Variants in HSPA1A observed in about 807,000 individuals in gnomAD.
HSPA1A encodes heat shock protein family A (Hsp70) member 1A.
A neutral mutation model predicts 8.8 loss-of-function variants in HSPA1A; 5 were observed. The ratio of observed to expected loss-of-function variants is 0.57; its 90% CI spans 0.30 to 1.19. The LOEUF is 1.19. Ranked by LOEUF, HSPA1A falls within the 50% of genes most tolerant of loss-of-function variation. The pLI is 0.08. For missense variants in HSPA1A, 207 were observed against 430.7 expected (o/e 0.48, Z 4.60); for synonymous variants, 112 against 188.4 (o/e 0.59, Z 3.32).
At position 31,815,588 on chromosome 6, in the gene HSPA1A, G is replaced by C. The variant is rs1033862658; in HGVS notation, c.-169G>C. 5 of 1,509,416 alleles carry C rather than the reference G, an allele frequency of 3.3e-6. No homozygotes were observed. Among genetic ancestry groups the C allele is most frequent in the African/African-American group, 1.4e-5 (1 of 72,132 alleles). The allele number at this position is 1,509,416 out of a possible 1,614,324, so 93.5% of individuals were successfully genotyped here. On this transcript the variant is annotated 5_prime_UTR_variant, in exon 1 of 1. Transcript: ENST00000375651. ...GCTGCGACAGTCCACTACCTTTTTC[G>C]AGAGTGACTCCCGTTGTCCCAAGGC...
chr6:31,817,837 G>C lies in HSPA1A; in HGVS notation c.*155G>C. On this transcript the variant is annotated 3_prime_UTR_variant, in exon 1 of 1. Coordinates refer to ENST00000375651, the MANE Select transcript of HSPA1A (RefSeq NM_005345.6). The stretch of plus-strand genomic sequence containing the variant: ...TTTTTTTCCGGTTTCTACATGCAGA[G>C]ATGAATTTATACTGCCATCTTACGA... 1 of 1,450,108 alleles carries C rather than the reference G, an allele frequency of 6.9e-7. No homozygotes were observed. The highest frequency in any genetic ancestry group is 9.1e-7 in the Non-Finnish European group (1 of 1,101,060). The allele number at this position is 1,450,108 out of a possible 1,614,324, so 89.8% of individuals were successfully genotyped here. A position where few individuals can be genotyped will look rare whatever the true frequency, so the allele number is the denominator to read the frequency against.
chr6:31,815,952 A>G lies in HSPA1A; in HGVS notation c.196A>G (p.Thr66Ala). Residue 66 changes from threonine (T) to alanine (A), a missense_variant, in exon 1 of 1, where the codon ACC becomes GCC. Transcript: ENST00000375651. ...KNQVALNPQN[T>A]VFDAKRLIGR... is the part of the protein sequence containing the mutation. ...CCAGGTGGCGCTGAACCCGCAGAAC[A>G]CCGTGTTTGACGCGAAGCGGCTGAT... The G allele has an allele frequency of 1.3e-6, 2 of 1,518,398 alleles. No individual in the cohort carries two copies. The highest frequency in any genetic ancestry group is 1.8e-6 in the Non-Finnish European group (2 of 1,127,732). 94.1% of individuals were successfully genotyped at this position (1,518,398 alleles called of 1,614,324 possible).
chr6:31,816,475 A>G lies in HSPA1A; in HGVS notation c.719A>G (p.His240Arg). The change falls in exon 1 of 1, where the codon CAC becomes CGC. Residue 240 changes from histidine to arginine, a missense_variant. His to Arg is a conservative substitution (Grantham distance 29). Around this residue, in one of 5 missense-constraint regions of HSPA1A, gnomAD observed 6 missense variants for 109.6 expected, o/e 0.05. Coordinates refer to ENST00000375651, the MANE Select transcript of HSPA1A (RefSeq NM_005345.6). ...GACTTTGACAACAGGCTGGTGAACC[A>G]CTTCGTGGAGGAGTTCAAGAGAAAA... ...GEDFDNRLVN[H>R]FVEEFKRKHK... 2.4e-5 allele frequency: 1 copy of G among 41,390 alleles called. No individual in the cohort carries two copies. Among genetic ancestry groups the G allele is most frequent in the South Asian group, 1.9e-4 (1 of 5,284 alleles). 2.6% of individuals were successfully genotyped at this position (41,390 alleles called of 1,614,324 possible).
In HSPA1A at chr6:31,817,830, A is replaced by C. The variant is rs1483622168; in HGVS notation, c.*148A>C. 1.4e-6 allele frequency: 2 copies of C among 1,453,044 alleles called. No homozygotes were observed. The highest frequency in any genetic ancestry group is 1.8e-6 in the Non-Finnish European group (2 of 1,102,728). The allele number at this position is 1,453,044 out of a possible 1,614,324, so 90.0% of individuals were successfully genotyped here. A position where few individuals can be genotyped will look rare whatever the true frequency, so the allele number is the denominator to read the frequency against. On this transcript the variant is annotated 3_prime_UTR_variant, in exon 1 of 1. Coordinates refer to ENST00000375651, the MANE Select transcript of HSPA1A (RefSeq NM_005345.6). ...AACTTGCTTTTTTTCCGGTTTCTACATGCAGAGATGAATTTATACTGCCAT... is the reference window on the plus strand; with the variant it reads ...AACTTGCTTTTTTTCCGGTTTCTACCTGCAGAGATGAATTTATACTGCCAT...
Position 31,815,613 on chromosome 6 carries a change from C to T in HSPA1A, c.-144C>T. On this transcript the variant is annotated 5_prime_UTR_variant, in exon 1 of 1. Coordinates refer to ENST00000375651, the MANE Select transcript of HSPA1A (RefSeq NM_005345.6). ...GAGAGTGACTCCCGTTGTCCCAAGG[C>T]TTCCCAGAGCGAACCTGTGCGGCTG... 1.3e-6 allele frequency: 2 copies of T among 1,590,386 alleles called. No individual in the cohort carries two copies. The highest frequency in any genetic ancestry group is 1.7e-6 in the Non-Finnish European group (2 of 1,165,620).
At position 31,815,657 on chromosome 6, in the gene HSPA1A, G is replaced by C; in HGVS notation, c.-100G>C. 1 of 1,612,874 alleles carries C rather than the reference G, an allele frequency of 6.2e-7. No individual in the cohort carries two copies. The highest frequency in any genetic ancestry group is 8.5e-7 in the Non-Finnish European group (1 of 1,179,858). Reference sequence around the variant, plus strand: ...GCGGCTGCAGGCACCGGCGCGTCGAGTTTCCGGCGTCCGGAAGGACCGAGC... The same window carrying C: ...GCGGCTGCAGGCACCGGCGCGTCGACTTTCCGGCGTCCGGAAGGACCGAGC... On this transcript the variant is annotated 5_prime_UTR_variant, in exon 1 of 1. Transcript: ENST00000375651.
Position 31,817,829 on chromosome 6 carries a change from C to T in HSPA1A, c.*147C>T, listed in dbSNP as rs1816047620. Reference sequence around the variant, plus strand: ...GAACTTGCTTTTTTTCCGGTTTCTACATGCAGAGATGAATTTATACTGCCA... The same window carrying T: ...GAACTTGCTTTTTTTCCGGTTTCTATATGCAGAGATGAATTTATACTGCCA... On this transcript the variant is annotated 3_prime_UTR_variant, in exon 1 of 1. Transcript: ENST00000375651. 2.8e-6 allele frequency: 4 copies of T among 1,453,730 alleles called. No homozygotes were observed. Among genetic ancestry groups the T allele is most frequent in the Non-Finnish European group, 3.6e-6 (4 of 1,103,002 alleles). 90.1% of individuals were successfully genotyped at this position (1,453,730 alleles called of 1,614,324 possible).
rs932448587 is a variant in HSPA1A at position 31,815,652 on chromosome 6, G to A, written c.-105G>A. On this transcript the variant is annotated 5_prime_UTR_variant, in exon 1 of 1. Transcript: ENST00000375651. The stretch of plus-strand genomic sequence containing the variant: ...CCTGTGCGGCTGCAGGCACCGGCGC[G>A]TCGAGTTTCCGGCGTCCGGAAGGAC... The A allele has an allele frequency of 4.1e-5, 66 of 1,612,460 alleles. No homozygotes were observed. The African/African-American group carries it at 7.2e-4, about 18-fold the overall frequency.
At position 31,815,705 on chromosome 6, in the gene HSPA1A, C is replaced by T; in HGVS notation, c.-52C>T. ...AGCTCTTCTCGCGGATCCAGTGTTC[C>T]GTTTCCAGCCCCCAATCTCAGAGCG... On this transcript the variant is annotated 5_prime_UTR_variant, in exon 1 of 1. Transcript: ENST00000375651. 1.2e-6 allele frequency: 2 copies of T among 1,613,700 alleles called. No individual in the cohort carries two copies. Among genetic ancestry groups the T allele is most frequent in the Non-Finnish European group, 1.7e-6 (2 of 1,179,964 alleles).
rs1816031724 is a variant in HSPA1A, at chr6:31,817,659, C to T, written c.1903C>T (p.Pro635Ser). The change falls in exon 1 of 1, where the codon CCC becomes TCC. Residue 635 changes from proline (P) to serine (S), a missense_variant. By Grantham distance (74) the Pro-to-Ser change is moderately conservative. This residue lies in a region of HSPA1A where 35 missense variants were observed against 82.3 expected (regional missense o/e 0.43). Coordinates refer to ENST00000375651, the MANE Select transcript of HSPA1A (RefSeq NM_005345.6). The part of the protein sequence containing the change: ...QGPKGGSGSG[P>S]TIEEVD ...TCCCAAGGGAGGGTCTGGGTCAGGC[C>T]CCACCATTGAGGAGGTAGATTAGGG... 3.7e-6 allele frequency: 6 copies of T among 1,612,684 alleles called. No individual in the cohort carries two copies. Among genetic ancestry groups the T allele is most frequent in the Non-Finnish European group, 4.2e-6 (5 of 1,179,938 alleles).
chr6:31,816,173 G>T lies in HSPA1A; in HGVS notation c.417G>T (p.Val139=). The T allele has an allele frequency of 6.9e-6, 3 of 436,708 alleles. No individual in the cohort carries two copies. Among genetic ancestry groups the T allele is most frequent in the Non-Finnish European group, 1.1e-5 (3 of 263,612 alleles). 27.1% of individuals were successfully genotyped at this position (436,708 alleles called of 1,614,324 possible). Residue 139 remains valine, a synonymous_variant, in exon 1 of 1, where the codon GTG becomes GTT. Transcript: ENST00000375651. ...EIAEAYLGYP[V]TNAVITVPAY... is the part of the protein sequence containing the mutation. ...CCGAGGCGTACCTGGGCTACCCGGT[G>T]ACCAACGCGGTGATCACCGTGCCGG...
rs987547251 is a variant in HSPA1A, at chr6:31,815,766, G to A, written c.10G>A (p.Ala4Thr). ...AGAGCAGGGAACCGGCATGGCCAAAGCCGCGGCGATCGGCATCGACCTGGG... is the reference window on the plus strand; with the variant it reads ...AGAGCAGGGAACCGGCATGGCCAAAACCGCGGCGATCGGCATCGACCTGGG... The part of the protein sequence containing the change: MAK[A>T]AAIGIDLGTT... The change falls in exon 1 of 1, where the codon GCC becomes ACC. Residue 4 changes from alanine to threonine, a missense_variant. Ala to Thr is a moderately conservative substitution (Grantham distance 58). Transcript: ENST00000375651. 2 of 1,613,822 alleles carry A rather than the reference G, an allele frequency of 1.2e-6. No homozygotes were observed. Among genetic ancestry groups the A allele is most frequent in the Non-Finnish European group, 1.7e-6 (2 of 1,180,032 alleles).
Position 31,817,442 on chromosome 6 carries a change from C to G in HSPA1A, c.1686C>G (p.Ile562Met). ...AGGATGAGGGGCTCAAGGGCAAGAT[C>G]AGCGAGGCGGACAAGAAGAAGGTGC... The part of the protein sequence containing the change: ...AVEDEGLKGK[I>M]SEADKKKVLD... Residue 562 changes from isoleucine (I) to methionine (M), a missense_variant, in exon 1 of 1, where the codon ATC becomes ATG. Physicochemically the swap from Ile to Met is conservative, Grantham distance 10. Coordinates refer to ENST00000375651, the MANE Select transcript of HSPA1A (RefSeq NM_005345.6). 1 of 1,612,258 alleles carries G rather than the reference C, an allele frequency of 6.2e-7. No individual in the cohort carries two copies. The highest frequency in any genetic ancestry group is 1.7e-4 in the Middle Eastern group (1 of 5,946).
At position 31,815,691 on chromosome 6, in the gene HSPA1A, C is replaced by A. The variant is rs1230143335; in HGVS notation, c.-66C>A. 5 of 1,613,356 alleles carry A rather than the reference C, an allele frequency of 3.1e-6. No individual in the cohort carries two copies. The highest frequency in any genetic ancestry group is 4.2e-6 in the Non-Finnish European group (5 of 1,179,958). Reference sequence around the variant, plus strand: ...GTCCGGAAGGACCGAGCTCTTCTCGCGGATCCAGTGTTCCGTTTCCAGCCC... The same window carrying A: ...GTCCGGAAGGACCGAGCTCTTCTCGAGGATCCAGTGTTCCGTTTCCAGCCC... On this transcript the variant is annotated 5_prime_UTR_variant, in exon 1 of 1. Coordinates refer to ENST00000375651, the MANE Select transcript of HSPA1A (RefSeq NM_005345.6).
chr6:31,815,574 CCACT>C lies in HSPA1A; in HGVS notation c.-182_-179del. ...TAGCCTGAGGAGCTGCTGCGACAGTCCACTACCTTTTTCGAGAGTGACTCCCGTT... is the reference window on the plus strand; with the variant it reads ...TAGCCTGAGGAGCTGCTGCGACAGTCACCTTTTTCGAGAGTGACTCCCGTT... On this transcript the variant is annotated 5_prime_UTR_variant, in exon 1 of 1. Coordinates refer to ENST00000375651, the MANE Select transcript of HSPA1A (RefSeq NM_005345.6). 7.0e-7 allele frequency: 1 copy of C among 1,423,472 alleles called. No homozygotes were observed. The allele number at this position is 1,423,472 out of a possible 1,614,324, so 88.2% of individuals were successfully genotyped here.
Position 31,815,855 on chromosome 6 carries a change from G to T in HSPA1A, c.99G>T (p.Gln33His). ...HGKVEIIAND[Q>H]GNRTTPSYVA... ...AGGTGGAGATCATCGCCAACGACCA[G>T]GGCAACCGCACCACCCCCAGCTACG... The change falls in exon 1 of 1, where the codon CAG becomes CAT. Residue 33 changes from glutamine (Q) to histidine (H), a missense_variant. By Grantham distance (24) the Gln-to-His change is conservative (BLOSUM62 0). Around this residue, in one of 5 missense-constraint regions of HSPA1A, gnomAD observed 129 missense variants for 173.1 expected, o/e 0.75. Transcript: ENST00000375651. The T allele has an allele frequency of 6.2e-7, 1 of 1,609,500 alleles. No homozygotes were observed. Among genetic ancestry groups the T allele is most frequent in the Non-Finnish European group, 8.5e-7 (1 of 1,178,850 alleles).
At position 31,815,611 on chromosome 6, in the gene HSPA1A, G is replaced by A. The variant is rs1815879710; in HGVS notation, c.-146G>A. On this transcript the variant is annotated 5_prime_UTR_variant, in exon 1 of 1. Coordinates refer to ENST00000375651, the MANE Select transcript of HSPA1A (RefSeq NM_005345.6). ...TCGAGAGTGACTCCCGTTGTCCCAA[G>A]GCTTCCCAGAGCGAACCTGTGCGGC... 8 of 1,588,934 alleles carry A rather than the reference G, an allele frequency of 5.0e-6. No homozygotes were observed. In the South Asian group the frequency reaches 7.8e-5, roughly 16 times the overall value.
rs1581714740 is a variant in HSPA1A, at chr6:31,817,719, T to A, written c.*37T>A. 6.3e-7 allele frequency: 1 copy of A among 1,581,226 alleles called. No individual in the cohort carries two copies. Among genetic ancestry groups the A allele is most frequent in the Non-Finnish European group, 8.6e-7 (1 of 1,165,038 alleles). On this transcript the variant is annotated 3_prime_UTR_variant, in exon 1 of 1. Coordinates refer to ENST00000375651, the MANE Select transcript of HSPA1A (RefSeq NM_005345.6). ...AGATTGCTGTTTTTGTTTTGGAGCT[T>A]CAAGACTTTGCATTTCCTAGTATTT...
rs966948047 is a variant in HSPA1A at position 31,815,607 on chromosome 6, C to T, written c.-150C>T. On this transcript the variant is annotated 5_prime_UTR_variant, in exon 1 of 1. Coordinates refer to ENST00000375651, the MANE Select transcript of HSPA1A (RefSeq NM_005345.6). ...TTTTTCGAGAGTGACTCCCGTTGTC[C>T]CAAGGCTTCCCAGAGCGAACCTGTG... 42 of 1,581,790 alleles carry T rather than the reference C, an allele frequency of 2.7e-5. No homozygotes were observed. The highest frequency in any genetic ancestry group is 3.5e-5 in the Non-Finnish European group (41 of 1,160,548).
Sources: gnomAD v4.1 joint callset for allele counts on GRCh38, gnomAD v4.1.1 for gene constraint, gnomAD v4.1.1 regional missense constraint, MANE v1.5 for transcripts, NCBI Gene and HGNC (gene_info 2026-07-23, HGNC 2026-07-21) for gene names.